The following CCDC91 variants were observed in gnomAD, a reference collection of about 807,000 sequenced individuals.
The protein encoded by CCDC91 is coiled-coil domain containing 91.
Under a neutral mutation model 63.2 loss-of-function variants are expected in CCDC91, and 48 were observed. The ratio of observed to expected loss-of-function variants is 0.76; its 90% CI spans 0.60 to 0.97. CCDC91 has a LOEUF of 0.97. CCDC91 is among the 50% of genes least tolerant of loss of function. The pLI is 0.00. For missense variants in CCDC91, 500 were observed against 494.6 expected (o/e 1.01, Z -0.10); for synonymous variants, 167 against 165.8 (o/e 1.01, Z -0.06).
At chr12:28,283,066 A>G (rs1163097160) in intron 3 of CCDC91, among the ~76,000 whole-genome samples, 3 of 152,034 alleles carry the variant, frequency 2.0e-5, no homozygotes, top group Non-Finnish European at 4.4e-5. Context: ...CTATTGGCCT[A>G]TGTGTCTACT....
chr12:28,369,046 G>A (rs1944447123), intron 7 of CCDC91, among the ~76,000 whole-genome samples: 1 of 152,038 alleles, frequency 6.6e-6, no homozygotes, highest in Non-Finnish European at 1.5e-5. Context: ...TCTGTCCCTG[G>A]CCCTTCCCAA....
chr12:28,278,030 T>G (rs1948361283), intron 3 of CCDC91, among the ~76,000 whole-genome samples: 2 of 152,194 alleles, frequency 1.3e-5, no homozygotes, highest in African/African-American at 4.8e-5. Flanking sequence ...AGCTAAAACA[T>G]TTTCTCCATC....
At chr12:28,473,655 A>C (rs532464044) in intron 11 of CCDC91, among the ~76,000 whole-genome samples, 65 of 152,240 alleles carry the variant, frequency 4.3e-4, no homozygotes, top group Non-Finnish European at 6.6e-4. Context: ...ATAACTTCAA[A>C]CTTGGCATTG....
At chr12:28,501,580 T>G (rs1353924523) in intron 12 of CCDC91, among the ~76,000 whole-genome samples, 2 of 151,382 alleles carry the variant, frequency 1.3e-5, no homozygotes, top group African/African-American at 2.4e-5. Flanking sequence ...GTGGATAAGC[T>G]TTTTGATGTG....
At chr12:28,458,509 G>A (rs11049624) in intron 11 of CCDC91, among the ~76,000 whole-genome samples, 12 of 106,640 alleles carry the variant, frequency 1.1e-4, no homozygotes, top group African/African-American at 2.6e-4. Flanking sequence ...TCACTCTGTC[G>A]CCCAGGCTGG....
chr12:28,473,488 C>T (rs1950924830), intron 11 of CCDC91, among the ~76,000 whole-genome samples: 1 of 152,064 alleles, frequency 6.6e-6, no homozygotes, highest in Admixed American at 6.6e-5. Flanking sequence ...TCAAGTAAGC[C>T]TTCTTTCATT....
rs1012153634 is a variant in CCDC91, at chr12:28,416,709, G to A, written c.762+25298G>A. On this transcript the variant is annotated intron_variant, in intron 8 of 12. Transcript: ENST00000536442. ...TAAGTTAGATTCTTGCTGAAGGTGG[G>A]TTAAGCATTTCTGGCAAGATCAGGA... Among the ~76,000 whole-genome samples the A allele has an allele frequency of 4.6e-5, 7 of 152,064 alleles. No homozygotes were observed. The South Asian group carries it at 1.0e-3, about 23-fold the overall frequency.
At chr12:28,515,357 A>G (rs1939831653) in intron 12 of CCDC91, among the ~76,000 whole-genome samples, 1 of 151,854 alleles carries the variant, frequency 6.6e-6, no homozygotes, top group African/African-American at 2.4e-5. Context: ...CCTGTTTCAC[A>G]TATCCATGTA....
At chr12:28,407,969 T>TTA (rs1480397466) in intron 8 of CCDC91, among the ~76,000 whole-genome samples, 2 of 149,482 alleles carry the variant, frequency 1.3e-5, no homozygotes, top group African/African-American at 4.9e-5. Context: ...TATATATTTT[T>TTA]TTTATTTTTT....
chr12:28,516,320 C>G lies in CCDC91; in HGVS notation c.1215+32155C>G, dbSNP rs143460754. On this transcript the variant is annotated intron_variant, in intron 12 of 12. Transcript: ENST00000536442. ...TTTGTAATGAACAGAAATTTATTTT[C>G]TAGGCTGAGTGTAATAGCTCATGCC... is the stretch of plus-strand genomic sequence containing the variant. 8.3e-3 allele frequency among the ~76,000 whole-genome samples: 1,257 copies of G among 151,942 alleles called. 16 individuals carry two copies. The highest frequency in any genetic ancestry group is 0.014 in the Middle Eastern group (4 of 294).
intron 3 of CCDC91, 26 bp downstream of exon 3, chr12:28,259,468 T>C: frequency 7.4e-7 from 1 of 1,358,246 alleles, no homozygotes; most frequent in Non-Finnish European, 1.0e-6. Flanking sequence ...AATTAGGGTT[T>C]TTTTTTTTTT....
At chr12:28,193,398 T>C (rs11049422) in intron 1 of CCDC91, among the ~76,000 whole-genome samples, 41,945 of 151,992 alleles carry the variant, frequency 0.28, 6,024 homozygotes, top group Non-Finnish European at 0.31. Context: ...GTCAGGAGAT[T>C]GAGACCATCC....
chr12:28,326,966 C>T (rs1294626862), intron 6 of CCDC91, among the ~76,000 whole-genome samples: 1 of 151,862 alleles, frequency 6.6e-6, no homozygotes, highest in Non-Finnish European at 1.5e-5. Context: ...TCATGAGAGC[C>T]GAAAGTCACA....
At chr12:28,322,309 A>G (rs1940585373) in intron 6 of CCDC91, among the ~76,000 whole-genome samples, 1 of 151,896 alleles carries the variant, frequency 6.6e-6, no homozygotes, top group African/African-American at 2.4e-5. Flanking sequence ...TTCATGGCAA[A>G]CATTAACCTG....
intron 3 of CCDC91, among the ~76,000 whole-genome samples, chr12:28,269,101 C>A (rs1249072918): frequency 6.6e-6 from 1 of 152,074 alleles, no homozygotes; most frequent in Middle Eastern, 3.2e-3. Context: ...TGTACTGATG[C>A]CCGTAATGAA....
At chr12:28,542,519 G>C (rs1477748145) in intron 12 of CCDC91, among the ~76,000 whole-genome samples, 1 of 152,038 alleles carries the variant, frequency 6.6e-6, no homozygotes, top group Non-Finnish European at 1.5e-5. Context: ...AGTCTTCATG[G>C]AATGCGAATG....
At chr12:28,231,725 T>C (rs1358837833) in intron 1 of CCDC91, among the ~76,000 whole-genome samples, 1 of 152,192 alleles carries the variant, frequency 6.6e-6, no homozygotes, top group African/African-American at 2.4e-5. Context: ...TGTAGTATTA[T>C]GGTGGCCAGA....
chr12:28,254,859 CCT>C (rs1040320454), intron 1 of CCDC91, among the ~76,000 whole-genome samples: 37 of 150,982 alleles, frequency 2.5e-4, no homozygotes, highest in Admixed American at 1.4e-3. Context: ...GCAACCTCCA[CCT>C]CTCAGGTTCA....
intron 8 of CCDC91, among the ~76,000 whole-genome samples, chr12:28,429,778 G>A (rs1948529894): frequency 6.6e-6 from 1 of 152,020 alleles, no homozygotes; most frequent in Admixed American, 6.6e-5. Context: ...CATTGTAGAT[G>A]TGCCACTCTA....
Sources: allele counts gnomAD v4.1 joint callset (sites outside exome capture counted in the v4.1 genomes callset), GRCh38; gene constraint gnomAD v4.1.1; transcripts MANE v1.5; gene names NCBI Gene and HGNC (gene_info 2026-07-23, HGNC 2026-07-21).